Variants in POMP observed in about 807,000 individuals in gnomAD.
The protein encoded by POMP is proteasome maturation protein.
Under a neutral mutation model 20.6 loss-of-function variants are expected in POMP, and 12 were observed. The ratio of observed to expected loss-of-function variants is 0.58; its 90% CI spans 0.37 to 0.94. POMP has a LOEUF of 0.94. Ranked by LOEUF, POMP falls within the 40% of genes least tolerant of loss-of-function variation. The probability of loss-of-function intolerance (pLI) is 0.01; values close to 1 mark genes in which losing one functional copy is unlikely to be tolerated. For missense variants in POMP, 136 were observed against 161.1 expected (o/e 0.84, Z 0.84); for synonymous variants, 53 against 55.0 (o/e 0.96, Z 0.16).
chr13:28,674,865 G>A, intron 5 of POMP, among the ~76,000 whole-genome samples: 1 of 151,912 alleles, frequency 6.6e-6, no homozygotes. Context: ...ATGAGACCCT[G>A]TCTCTACAAT....
At chr13:28,672,248 CAA>C (rs1466396345) in intron 4 of POMP, 89 bp from the exon 5 acceptor site, 2 of 1,093,828 alleles carry the variant, frequency 1.8e-6, no homozygotes, top group African/African-American at 1.6e-5. Flanking sequence ...AATTTTCAAA[CAA>C]AGAATAAAGA....
intron 3 of POMP, 23 bp downstream of exon 3, chr13:28,664,592 A>AT (rs771868010): frequency 7.6e-7 from 1 of 1,310,322 alleles, no homozygotes; most frequent in Non-Finnish European, 1.1e-6. Context: ...TTATGTCCTT[A>AT]TTTTTATCTT....
intron 3 of POMP, among the ~76,000 whole-genome samples, chr13:28,665,858 A>G (rs979307955): frequency 6.6e-6 from 1 of 152,242 alleles, no homozygotes; most frequent in East Asian, 1.9e-4. Flanking sequence ...AGTGTAGGGT[A>G]AAGTATATGA....
intron 1 of POMP, chr13:28,660,016 C>T (rs1201987922): frequency 6.6e-6 from 1 of 152,136 alleles, no homozygotes; most frequent in East Asian, 1.9e-4. Context: ...CGGCTCCTTC[C>T]TTTATTAGAA....
At chr13:28,674,506 G>T (rs9550389) in intron 5 of POMP, among the ~76,000 whole-genome samples, 22,987 of 152,186 alleles carry the variant, frequency 0.15, 2,334 homozygotes, top group East Asian at 0.29. Flanking sequence ...AGAATGGAGA[G>T]ACCAATAGAG....
intron 3 of POMP, 109 bp downstream of exon 3, chr13:28,664,678 A>C: frequency 1.4e-6 from 1 of 696,468 alleles, no homozygotes; most frequent in East Asian, 2.8e-5. Context: ...TTGCCCATGA[A>C]GAATATGAGG....
intron 3 of POMP, among the ~76,000 whole-genome samples, chr13:28,665,752 T>G (rs1474062969): frequency 6.6e-6 from 1 of 152,186 alleles, no homozygotes; most frequent in Admixed American, 6.5e-5. Flanking sequence ...AGTTCACTCT[T>G]TTACTCAGTT....
chr13:28,677,342 G>C (rs1223891546), intron 5 of POMP, among the ~76,000 whole-genome samples: 1 of 151,968 alleles, frequency 6.6e-6, no homozygotes, highest in Admixed American at 6.6e-5. Context: ...ATTATGTGCA[G>C]GGTTATTCAT....
intron 5 of POMP, among the ~76,000 whole-genome samples, chr13:28,675,932 G>A (rs558363100): frequency 1.2e-4 from 19 of 152,234 alleles, no homozygotes; most frequent in African/African-American, 4.6e-4. Context: ...CTTATCCGGG[G>A]GGTGGTGCTA....
In POMP at chr13:28,662,503, A is replaced by C. The variant is rs1884363343; in HGVS notation, c.97A>C (p.Lys33Gln). Reference protein sequence around the residue: ...GPFESHDLLRKGFSCVKNELL... With the variant: ...GPFESHDLLRQGFSCVKNELL... The stretch of plus-strand genomic sequence containing the variant: ...TTTTGAAAGTCATGATCTTCTTCGG[A>C]AAGGGTATATGGGGGAGTTATGACT... Residue 33 changes from lysine (K) to glutamine (Q), a missense_variant, in exon 2 of 6, where the codon AAA becomes CAA. Lys to Gln is a moderately conservative substitution (Grantham distance 53, BLOSUM62 1). Transcript: ENST00000380842. 1.9e-6 allele frequency: 3 copies of C among 1,607,220 alleles called. No homozygotes were observed. The highest frequency in any genetic ancestry group is 2.6e-6 in the Non-Finnish European group (3 of 1,173,740).
intron 4 of POMP, among the ~76,000 whole-genome samples, chr13:28,669,944 A>G (rs529309789): frequency 1.3e-5 from 2 of 151,922 alleles, no homozygotes; most frequent in South Asian, 4.2e-4. Flanking sequence ...CATCTCTACA[A>G]AAAAAAATAC....
intron 3 of POMP, among the ~76,000 whole-genome samples, chr13:28,665,423 T>C (rs1190866726): frequency 1.3e-5 from 2 of 151,956 alleles, no homozygotes; most frequent in Admixed American, 6.5e-5. Flanking sequence ...ATGAGAAAAA[T>C]AAAAAAATTC....
chr13:28,667,174 T>G (rs989391546), intron 3 of POMP, among the ~76,000 whole-genome samples: 2 of 152,190 alleles, frequency 1.3e-5, no homozygotes, highest in African/African-American at 4.8e-5. Flanking sequence ...AGTATTAATA[T>G]CACATTACAA....
At position 28,678,172 on chromosome 13, in the gene POMP, A is replaced by G. The variant is rs979082497; in HGVS notation, c.*70A>G. 17 of 1,431,950 alleles carry G rather than the reference A, an allele frequency of 1.2e-5. No individual in the cohort carries two copies. The African/African-American group carries it at 2.1e-4, about 18-fold the overall frequency. 88.7% of individuals were successfully genotyped at this position (1,431,950 alleles called of 1,614,324 possible). ...TCATCTTTGTACTGTAATTTGATGTACACAACATTAAAAGTACTGACACCT... is the reference window on the plus strand; with the variant it reads ...TCATCTTTGTACTGTAATTTGATGTGCACAACATTAAAAGTACTGACACCT... On this transcript the variant is annotated 3_prime_UTR_variant, in exon 6 of 6. Coordinates refer to ENST00000380842, the MANE Select transcript of POMP (RefSeq NM_015932.6).
chr13:28,674,708 AGTAAGGATGTAAT>A (rs1162213805), intron 5 of POMP, among the ~76,000 whole-genome samples: 1 of 152,188 alleles, frequency 6.6e-6, no homozygotes, highest in African/African-American at 2.4e-5. Flanking sequence ...AGCAGTTTTA[AGTAAGGATGTAAT>A]GTGATGGAAT....
chr13:28,667,777 C>T (rs1884474549), intron 3 of POMP, among the ~76,000 whole-genome samples: 1 of 152,182 alleles, frequency 6.6e-6, no homozygotes, highest in Non-Finnish European at 1.5e-5. Flanking sequence ...CATTCACTAT[C>T]CTTAGGAGCC....
intron 5 of POMP, among the ~76,000 whole-genome samples, chr13:28,673,932 A>G (rs1884590230): frequency 6.6e-6 from 1 of 152,244 alleles, no homozygotes; most frequent in South Asian, 2.1e-4. Context: ...AAACACAAAT[A>G]TACAATTTGA....
At chr13:28,664,696 T>C (rs1010603732) in intron 3 of POMP, 127 bp downstream of exon 3, 1 of 626,314 alleles carries the variant, frequency 1.6e-6, no homozygotes, top group East Asian at 2.9e-5. Context: ...AGGCGTTATT[T>C]TCAAACCCCT....
At chr13:28,663,799 T>TC (rs1195819392) in intron 2 of POMP, among the ~76,000 whole-genome samples, 4 of 151,586 alleles carry the variant, frequency 2.6e-5, no homozygotes, top group Non-Finnish European at 2.9e-5. Context: ...AAGATTTTTT[T>TC]CCCCCCACAT....
Sources: gnomAD v4.1 joint callset for allele counts (sites outside exome capture counted in the v4.1 genomes callset) on GRCh38, gnomAD v4.1.1 for gene constraint, MANE v1.5 for transcripts, NCBI Gene and HGNC (gene_info 2026-07-23, HGNC 2026-07-21) for gene names.